Variants in TNRC6B observed in about 807,000 individuals in gnomAD.
TNRC6B encodes trinucleotide repeat-containing gene 6B protein.
In TNRC6B, 52 loss-of-function variants were observed where a neutral mutation model predicts 203.6. The observed-to-expected ratio is 0.26, with a 90% confidence interval of 0.20 to 0.32. The LOEUF is 0.32. Among genes scored for constraint, TNRC6B ranks in the 10% least tolerant of loss-of-function variants. The pLI is 1.00. For missense variants in TNRC6B, 1,923 were observed against 2,286.2 expected (o/e 0.84, Z 3.24); for synonymous variants, 838 against 845.7 (o/e 0.99, Z 0.16).
chr22:40,190,028 A>G (rs1344023125), intron 1 of TNRC6B, among the ~76,000 whole-genome samples: 2 of 152,230 alleles, frequency 1.3e-5, no homozygotes, highest in African/African-American at 2.4e-5. Flanking sequence ...CACAGGTGCT[A>G]AAGTTTGGCA....
intron 3 of TNRC6B, among the ~76,000 whole-genome samples, chr22:40,154,030 T>C (rs2068786658): frequency 1.3e-5 from 2 of 152,010 alleles, no homozygotes; most frequent in Admixed American, 1.3e-4. Context: ...TGGAGTGCAG[T>C]GGCTATTCAC....
chr22:40,321,573 G>A lies in TNRC6B; in HGVS notation c.5114+344G>A, dbSNP rs147979497. On this transcript the variant is annotated intron_variant, in intron 22 of 22. Transcript: ENST00000454349. ...GAGGCCAAGGCGGGCAGATCACAAG[G>A]TCAGGAGATGGAGACCATCTTGGCC... The A allele has an allele frequency of 7.0e-3, 1,474 of 211,402 alleles. 17 individuals are homozygous for A. The highest frequency in any genetic ancestry group is 0.031 in the African/African-American group (1,394 of 44,866). 13.1% of individuals were successfully genotyped at this position (211,402 alleles called of 1,614,324 possible).
At chr22:40,275,040 A>G (rs1015992620) in intron 7 of TNRC6B, among the ~76,000 whole-genome samples, 3 of 152,206 alleles carry the variant, frequency 2.0e-5, no homozygotes, top group South Asian at 4.1e-4. Flanking sequence ...AGGCCTTCCC[A>G]TGTCTGAGGA....
chr22:40,286,015 C>G (rs2070775130), intron 12 of TNRC6B, among the ~76,000 whole-genome samples: 1 of 152,140 alleles, frequency 6.6e-6, no homozygotes, highest in Non-Finnish European at 1.5e-5. Flanking sequence ...TGCATACCAA[C>G]AAAGTAGATA....
rs1314286479 is a variant in TNRC6B, at chr22:40,045,175, CGGGCCGGGGAGG to C, written c.-121+182_-121+193del. 6.3e-5 allele frequency among the ~76,000 whole-genome samples: 9 copies of C among 143,646 alleles called. No individual in the cohort carries two copies. The South Asian group carries it at 8.5e-4, about 14-fold the overall frequency. 94.2% of individuals were successfully genotyped at this position (143,646 alleles called of 152,430 possible). A position where few individuals can be genotyped will look rare whatever the true frequency, so the allele number is the denominator to read the frequency against. Reference sequence around the variant, plus strand: ...GAGGGAGCGCGCGTGGGGCGGGGAGCGGGCCGGGGAGGGGGCGTGAGCGCGCGCGGGGCTGGT... The same window carrying C: ...GAGGGAGCGCGCGTGGGGCGGGGAGCGGGCGTGAGCGCGCGCGGGGCTGGT... On this transcript the variant is annotated intron_variant, in intron 1 of 23. Coordinates refer to the TNRC6B transcript ENST00000301923.
At chr22:40,253,262 T>G (rs936244343) in intron 3 of TNRC6B, among the ~76,000 whole-genome samples, 33 of 151,004 alleles carry the variant, frequency 2.2e-4, no homozygotes, top group South Asian at 8.4e-4. Context: ...TTTTTTTTTT[T>G]TGTATTTTTA....
At chr22:40,306,833 A>G (rs893701744) in intron 15 of TNRC6B, among the ~76,000 whole-genome samples, 1 of 152,092 alleles carries the variant, frequency 6.6e-6, no homozygotes, top group Non-Finnish European at 1.5e-5. Flanking sequence ...TAAAAATACA[A>G]AAAATTAGCT....
intron 1 of TNRC6B, among the ~76,000 whole-genome samples, chr22:40,191,734 A>G (rs757715509): frequency 3.3e-5 from 5 of 152,084 alleles, no homozygotes; most frequent in Non-Finnish European, 7.4e-5. Flanking sequence ...AATGTGTGCC[A>G]TCATGGCCAG....
At chr22:40,112,054 C>T (rs11913690) in intron 1 of TNRC6B, among the ~76,000 whole-genome samples, 2 of 152,054 alleles carry the variant, frequency 1.3e-5, no homozygotes, top group South Asian at 2.1e-4. Flanking sequence ...GAACCAAGAT[C>T]GCGCCACTGC....
At chr22:40,062,536 A>G (rs1298046973) in intron 1 of TNRC6B, among the ~76,000 whole-genome samples, 2 of 152,148 alleles carry the variant, frequency 1.3e-5, no homozygotes, top group African/African-American at 4.8e-5. Context: ...TTTTAAATTA[A>G]CCATTTGACG....
intron 1 of TNRC6B, among the ~76,000 whole-genome samples, chr22:40,057,455 G>A (rs554965434): frequency 4.6e-5 from 7 of 151,924 alleles, no homozygotes; most frequent in Admixed American, 3.3e-4. Flanking sequence ...CACCACGCCC[G>A]GCTAATTTTG....
chr22:40,097,669 TACACACAC>T (rs6147625), intron 1 of TNRC6B, among the ~76,000 whole-genome samples: 1,920 of 135,620 alleles, frequency 0.014, 44 homozygotes, highest in African/African-American at 0.047. Context: ...AGGTATATCA[TACACACAC>T]ACACACACAC....
chr22:40,061,770 C>A (rs909551263), intron 1 of TNRC6B, among the ~76,000 whole-genome samples: 1 of 151,968 alleles, frequency 6.6e-6, no homozygotes, highest in East Asian at 1.9e-4. Flanking sequence ...GTATCACTTT[C>A]GTTATAAGAA....
intron 3 of TNRC6B, among the ~76,000 whole-genome samples, chr22:40,149,901 C>T (rs545224515): frequency 6.6e-6 from 1 of 152,160 alleles, no homozygotes; most frequent in East Asian, 1.9e-4. Flanking sequence ...TAGGCTTAAG[C>T]CATCCTCCTG....
intron 1 of TNRC6B, among the ~76,000 whole-genome samples, chr22:40,203,166 G>A (rs2069436158): frequency 6.6e-6 from 1 of 152,052 alleles, no homozygotes; most frequent in Non-Finnish European, 1.5e-5. Context: ...AAACTTAACT[G>A]GTAGCTCAAA....
chr22:40,067,847 G>A (rs990015176), intron 1 of TNRC6B, among the ~76,000 whole-genome samples: 4 of 152,082 alleles, frequency 2.6e-5, no homozygotes, highest in African/African-American at 9.7e-5. Flanking sequence ...AGTCTCCTCT[G>A]GAAACACCCT....
chr22:40,075,471 A>G (rs1468622814), intron 1 of TNRC6B, among the ~76,000 whole-genome samples: 1 of 151,444 alleles, frequency 6.6e-6, no homozygotes, highest in Non-Finnish European at 1.5e-5. Context: ...ATGTATTTGT[A>G]TATCTTTTTG....
intron 2 of TNRC6B, among the ~76,000 whole-genome samples, chr22:40,117,628 T>C (rs909819482): frequency 6.6e-6 from 1 of 152,184 alleles, no homozygotes; most frequent in South Asian, 2.1e-4. Flanking sequence ...TAATGGACCA[T>C]TTTCTTTTCC....
intron 13 of TNRC6B, 64 bp from the exon 14 acceptor site, chr22:40,300,846 A>T: frequency 1.3e-6 from 2 of 1,492,190 alleles, no homozygotes; most frequent in Non-Finnish European, 9.2e-7. Context: ...CAGACCCTTT[A>T]GGTGTCCTCA....
Sources: gnomAD v4.1 joint callset for allele counts (sites outside exome capture counted in the v4.1 genomes callset) on GRCh38, gnomAD v4.1.1 for gene constraint, MANE v1.5 for transcripts, NCBI Gene and HGNC (gene_info 2026-07-23, HGNC 2026-07-21) for gene names.